The following ETFA variants were observed in gnomAD, a reference collection of about 807,000 sequenced individuals.
ETFA encodes electron transfer flavoprotein subunit alpha, also known as electron transfer flavoprotein subunit alpha, mitochondrial.
In ETFA, 22 loss-of-function variants were observed where a neutral mutation model predicts 46.2. The ratio of observed to expected loss-of-function variants is 0.48; its 90% CI spans 0.34 to 0.68. ETFA has a LOEUF of 0.68. Among genes scored for constraint, ETFA ranks in the 30% least tolerant of loss-of-function variants. ETFA has a pLI of 0.01. For missense variants in ETFA, 345 were observed against 401.1 expected (o/e 0.86, Z 1.19); for synonymous variants, 131 against 139.9 (o/e 0.94, Z 0.45).
chr15:76,259,247 G>A, intron 9 of ETFA: 2 of 1,559,098 alleles, frequency 1.3e-6, no homozygotes, highest in East Asian at 2.2e-5. Context: ...CGATGTTGAT[G>A]TATAAGGGGT....
In ETFA at chr15:76,286,363, A is replaced by T; in HGVS notation, c.562+8T>A. On this transcript the variant is annotated splice_region_variant and intron_variant, in intron 6 of 11. Coordinates refer to ENST00000557943, the MANE Select transcript of ETFA (RefSeq NM_000126.4). ...AACAAAACAAAAAAACTCCAAATGAACACTCACCCTTTTCTGAACTGGCAC... is the reference window on the plus strand; with the variant it reads ...AACAAAACAAAAAAACTCCAAATGATCACTCACCCTTTTCTGAACTGGCAC... 1 of 1,562,944 alleles carries T rather than the reference A, an allele frequency of 6.4e-7. No homozygotes were observed. The highest frequency in any genetic ancestry group is 8.8e-7 in the Non-Finnish European group (1 of 1,134,340).
chr15:76,259,570 A>G (rs755938990), intron 9 of ETFA: 6 of 1,055,598 alleles, frequency 5.7e-6, no homozygotes, highest in Non-Finnish European at 8.8e-6. Context: ...CCGAAGGCCC[A>G]CACATCACTG....
At chr15:76,245,537 G>C (rs759718878) in intron 9 of ETFA, among the ~76,000 whole-genome samples, 20 of 152,146 alleles carry the variant, frequency 1.3e-4, no homozygotes, top group Non-Finnish European at 2.2e-4. Context: ...ATTTTCAAAA[G>C]AGAACCCAGA....
intron 10 of ETFA, chr15:76,228,349 T>C (rs2039026781): frequency 4.8e-6 from 1 of 208,454 alleles, no homozygotes. Flanking sequence ...CATGCTCAGA[T>C]AATTCTTTCA....
At chr15:76,301,118 A>C (rs1436827706) in intron 1 of ETFA, among the ~76,000 whole-genome samples, 1 of 152,218 alleles carries the variant, frequency 6.6e-6, no homozygotes, top group Non-Finnish European at 1.5e-5. Context: ...AAATTAATAA[A>C]TGTAAAGCTC....
At chr15:76,275,095 G>A (rs142379795) in intron 8 of ETFA, among the ~76,000 whole-genome samples, 1 of 152,196 alleles carries the variant, frequency 6.6e-6, no homozygotes, top group Non-Finnish European at 1.5e-5. Context: ...ACTATCTTGA[G>A]TCAGCCAGGA....
intron 9 of ETFA, among the ~76,000 whole-genome samples, chr15:76,235,226 C>G (rs767443724): frequency 6.6e-6 from 1 of 152,130 alleles, no homozygotes; most frequent in Admixed American, 6.5e-5. Flanking sequence ...GTGTCACTCA[C>G]GGGTTGAGGT....
chr15:76,290,288 T>C (rs917782890), intron 4 of ETFA, among the ~76,000 whole-genome samples: 8 of 148,906 alleles, frequency 5.4e-5, no homozygotes, highest in Non-Finnish European at 1.5e-5. Context: ...TGGAATCTTA[T>C]GCAGCCATAA....
At position 76,216,271 on chromosome 15, in the gene ETFA, C is replaced by T. The variant is rs539654182; in HGVS notation, c.*288G>A. ...TTTTACTCCTTTTCTTCAATTTTCT[C>T]TAGAGGCTAGGCATATTTCTGATAG... On this transcript the variant is annotated 3_prime_UTR_variant, in exon 12 of 12. Transcript: ENST00000557943. 1 of 303,216 alleles carries T rather than the reference C, an allele frequency of 3.3e-6. No homozygotes were observed. The highest frequency in any genetic ancestry group is 6.0e-6 in the Non-Finnish European group (1 of 166,010). The allele number at this position is 303,216 out of a possible 1,614,324, so 18.8% of individuals were successfully genotyped here. A position where few individuals can be genotyped will look rare whatever the true frequency, so the allele number is the denominator to read the frequency against.
At position 76,237,007 on chromosome 15, in the gene ETFA, G is replaced by A. The variant is rs573145267; in HGVS notation, c.817-5609C>T. 2.0e-5 allele frequency among the ~76,000 whole-genome samples: 3 copies of A among 152,280 alleles called. No homozygotes were observed. In the South Asian group the frequency reaches 6.2e-4, roughly 32 times the overall value. ...ATACATGGAACAAAACACCAAAAAA[G>A]GAAGGGTATATCAGAACATGTGGGA... is the stretch of plus-strand genomic sequence containing the variant. On this transcript the variant is annotated intron_variant, in intron 9 of 11. Coordinates refer to ENST00000557943, the MANE Select transcript of ETFA (RefSeq NM_000126.4).
intron 11 of ETFA, among the ~76,000 whole-genome samples, chr15:76,220,452 A>T (rs1449827621): frequency 3.3e-5 from 5 of 152,232 alleles, no homozygotes; most frequent in Non-Finnish European, 5.9e-5. Context: ...TTAAAACTTT[A>T]TTTTAAAACT....
chr15:76,285,051 T>C (rs958381230), intron 7 of ETFA: 17 of 245,864 alleles, frequency 6.9e-5, no homozygotes, highest in Non-Finnish European at 1.2e-4. Flanking sequence ...GGATGTTTAA[T>C]TGCAAGGATT....
At chr15:76,227,955 C>T (rs1438305207) in intron 10 of ETFA, 14 of 455,904 alleles carry the variant, frequency 3.1e-5, no homozygotes, top group South Asian at 1.7e-4. Flanking sequence ...AGACAATAAA[C>T]AAGTTTCAAA....
At chr15:76,238,423 T>C (rs576353408) in intron 9 of ETFA, among the ~76,000 whole-genome samples, 5 of 152,296 alleles carry the variant, frequency 3.3e-5, no homozygotes, top group African/African-American at 4.8e-5. Context: ...AAACACATCA[T>C]GTAAGTGGTT....
intron 1 of ETFA, among the ~76,000 whole-genome samples, chr15:76,303,293 G>C (rs1408253235): frequency 6.6e-6 from 1 of 152,078 alleles, no homozygotes; most frequent in African/African-American, 2.4e-5. Context: ...GGGTGACAAA[G>C]CAAGTCTCCA....
chr15:76,307,887 G>T (rs1292979286), intron 1 of ETFA, among the ~76,000 whole-genome samples: 1 of 151,992 alleles, frequency 6.6e-6, no homozygotes. Flanking sequence ...TTTTAAATAT[G>T]GTTTTGGAAA....
At chr15:76,284,838 G>T in intron 7 of ETFA, 1 of 331,284 alleles carries the variant, frequency 3.0e-6, no homozygotes, top group Admixed American at 4.4e-5. Flanking sequence ...GCTGAGGCAG[G>T]AGAATCGCTT....
intron 10 of ETFA, chr15:76,230,217 A>ATTT (rs1567197277): frequency 3.2e-4 from 8 of 25,024 alleles, no homozygotes; most frequent in African/African-American, 5.6e-4. Context: ...TACTTATTGC[A>ATTT]CTTTTTTTTT....
At chr15:76,274,218 G>A in intron 9 of ETFA, 194 bp downstream of exon 9, 1 of 579,546 alleles carries the variant, frequency 1.7e-6, no homozygotes, top group South Asian at 2.2e-5. Context: ...TAATAAGCTG[G>A]ATTTAAGAAC....
Sources: allele counts gnomAD v4.1 joint callset (sites outside exome capture counted in the v4.1 genomes callset), GRCh38; gene constraint gnomAD v4.1.1; transcripts MANE v1.5; gene names NCBI Gene and HGNC (gene_info 2026-07-23, HGNC 2026-07-21).